The following TM4SF19 variants were observed in gnomAD, a reference collection of about 807,000 sequenced individuals.
TM4SF19 encodes the protein transmembrane 4 L six family member 19.
Under a neutral mutation model 21.8 loss-of-function variants are expected in TM4SF19, and 17 were observed. The observed-to-expected ratio is 0.78, with a 90% confidence interval of 0.53 to 1.17. The LOEUF (loss-of-function observed/expected upper bound fraction) is 1.17. TM4SF19 is among the 50% of genes most tolerant of loss of function. TM4SF19 has a pLI of 0.00. For missense variants in TM4SF19, 216 were observed against 252.1 expected, an observed-to-expected ratio of 0.86 and a Z score of 0.97; for synonymous variants, 107 against 106.7, an observed-to-expected ratio of 1.00 and a Z score of -0.02.
At chr3:196,336,851 C>T (rs986044863) in intron 1 of TM4SF19, among the ~76,000 whole-genome samples, 2 of 152,086 alleles carry the variant, frequency 1.3e-5, no homozygotes, top group Admixed American at 6.6e-5. Context: ...AGGAAGAGAC[C>T]GCACATTCTC....
At chr3:196,335,589 TCCTGGGGC>T (rs1727723853) in intron 1 of TM4SF19, among the ~76,000 whole-genome samples, 1 of 148,646 alleles carries the variant, frequency 6.7e-6, no homozygotes, top group Admixed American at 6.7e-5. Flanking sequence ...GGCCCAAGGG[TCCTGGGGC>T]AGGGTGGGGT....
chr3:196,327,633 G>C (rs1356209108), intron 1 of TM4SF19, 42 bp from the exon 2 acceptor site: 3 of 1,552,120 alleles, frequency 1.9e-6, no homozygotes, highest in South Asian at 2.2e-5. Flanking sequence ...TCTGCTGTGG[G>C]GGGATGGGGA....
chr3:196,324,381 GAC>G lies in TM4SF19; in HGVS notation c.337_338del (p.Val113HisfsTer15). On this transcript the variant is annotated frameshift_variant, in exon 4 of 5. Coordinates refer to ENST00000273695, the MANE Select transcript of TM4SF19 (RefSeq NM_138461.4). LOFTEE classifies it high-confidence loss of function. ...LALLGALICFVTSGVALKDGP... is the reference protein window; with the variant it reads ...LALLGALICFXTSGVALKDGP... Reference sequence around the variant, plus strand: ...CATCTTTCAGAGCAACTCCAGAAGTGACAAAGCAAATCAGGGCTCCAAGTAAA... The same window carrying G: ...CATCTTTCAGAGCAACTCCAGAAGTGAAAGCAAATCAGGGCTCCAAGTAAA... 6.2e-7 allele frequency: 1 copy of G among 1,614,150 alleles called. No homozygotes were observed. Among genetic ancestry groups the G allele is most frequent in the East Asian group, 2.2e-5 (1 of 44,880 alleles).
At chr3:196,333,160 T>C (rs1362207742) in intron 1 of TM4SF19, among the ~76,000 whole-genome samples, 1 of 152,230 alleles carries the variant, frequency 6.6e-6, no homozygotes, top group Non-Finnish European at 1.5e-5. Context: ...AATTTACTTT[T>C]GACTTTGTGA....
At chr3:196,337,051 CTTTTTTTTTTTTT>C (rs35897935) in intron 1 of TM4SF19, among the ~76,000 whole-genome samples, 29 of 67,838 alleles carry the variant, frequency 4.3e-4, no homozygotes, top group Admixed American at 3.9e-3. Flanking sequence ...AAAAGCAATT[CTTTTTTTTTTTTT>C]TTTTTTTTTT....
intron 1 of TM4SF19, among the ~76,000 whole-genome samples, chr3:196,332,637 C>G (rs938056101): frequency 6.6e-6 from 1 of 151,636 alleles, no homozygotes; most frequent in South Asian, 2.1e-4. Context: ...ACACAATAGT[C>G]CCCCATATCT....
chr3:196,330,734 T>C (rs533435731), intron 1 of TM4SF19, among the ~76,000 whole-genome samples: 81 of 152,248 alleles, frequency 5.3e-4, no homozygotes, highest in Middle Eastern at 3.4e-3. Context: ...CATGGGAAGC[T>C]TTCTGAAGGG....
At chr3:196,333,646 C>T (rs1727611215) in intron 1 of TM4SF19, among the ~76,000 whole-genome samples, 1 of 152,116 alleles carries the variant, frequency 6.6e-6, no homozygotes, top group Non-Finnish European at 1.5e-5. Flanking sequence ...GTAGGTACCG[C>T]GCTCACTACC....
At chr3:196,327,722 G>C in intron 1 of TM4SF19, 131 bp from the exon 2 acceptor site, 1 of 696,082 alleles carries the variant, frequency 1.4e-6, no homozygotes, top group Non-Finnish European at 2.4e-6. Flanking sequence ...ACCAATGAGA[G>C]CCAAGCAACC....
intron 1 of TM4SF19, among the ~76,000 whole-genome samples, chr3:196,336,635 G>C (rs1727772831): frequency 6.6e-6 from 1 of 152,218 alleles, no homozygotes; most frequent in Non-Finnish European, 1.5e-5. Context: ...ATAACATTTG[G>C]AGAAACCCTT....
chr3:196,323,814 C>G lies in TM4SF19; in HGVS notation c.*3G>C. The G allele has an allele frequency of 6.2e-7, 1 of 1,614,164 alleles. No homozygotes were observed. Among genetic ancestry groups the G allele is most frequent in the Middle Eastern group, 1.6e-4 (1 of 6,062 alleles). On this transcript the variant is annotated 3_prime_UTR_variant, in exon 5 of 5. Transcript: ENST00000273695. ...CCATGCTTGCAAGTGAAGGTTCTGC[C>G]TGTCACTTCTCGCAGAGGCTGCAGA...
At chr3:196,327,956 G>C (rs558223565) in intron 1 of TM4SF19, among the ~76,000 whole-genome samples, 1 of 152,298 alleles carries the variant, frequency 6.6e-6, no homozygotes. Flanking sequence ...GTCCTGGCCA[G>C]TGCAATACGA....
chr3:196,334,047 CG>C (rs1560205843), intron 1 of TM4SF19, among the ~76,000 whole-genome samples: 1 of 150,904 alleles, frequency 6.6e-6, no homozygotes, highest in Non-Finnish European at 1.5e-5. Flanking sequence ...GACCACAGAT[CG>C]AGACTCCGTC....
intron 3 of TM4SF19, 31 bp downstream of exon 3, chr3:196,326,924 G>A: frequency 6.3e-7 from 1 of 1,576,694 alleles, no homozygotes; most frequent in Non-Finnish European, 8.7e-7. Flanking sequence ...GAGACATTCT[G>A]GGTGTTAGAA....
At chr3:196,328,025 G>A (rs1456036859) in intron 1 of TM4SF19, among the ~76,000 whole-genome samples, 2 of 152,244 alleles carry the variant, frequency 1.3e-5, no homozygotes, top group Admixed American at 1.3e-4. Flanking sequence ...TTGTCGGCCA[G>A]GCATGGTGGC....
intron 1 of TM4SF19, among the ~76,000 whole-genome samples, chr3:196,336,273 G>T (rs1727758820): frequency 6.6e-6 from 1 of 151,912 alleles, no homozygotes; most frequent in Non-Finnish European, 1.5e-5. Flanking sequence ...TGAGTAGCTG[G>T]GATTACAGGT....
At position 196,324,324 on chromosome 3, in the gene TM4SF19, G is replaced by A. The variant is rs956815103; in HGVS notation, c.396C>T (p.Phe132=). The A allele has an allele frequency of 3.1e-6, 5 of 1,614,020 alleles. No homozygotes were observed. The highest frequency in any genetic ancestry group is 4.5e-5 in the East Asian group (2 of 44,896). ...GPFCMFDVSS[F]NQTQAWKYGY... ...CATATTTCCAAGCTTGTGTCTGATT[G>A]AAGGATGAAACATCAAACATGCAAA... is the stretch of plus-strand genomic sequence containing the variant. Residue 132 remains phenylalanine (F), a synonymous_variant, in exon 4 of 5, where the codon TTC becomes TTT. Transcript: ENST00000273695.
intron 1 of TM4SF19, among the ~76,000 whole-genome samples, chr3:196,336,923 A>C (rs563788660): frequency 6.6e-6 from 1 of 152,186 alleles, no homozygotes; most frequent in East Asian, 1.9e-4. Flanking sequence ...CTTCAGTCGG[A>C]TATTTATTAA....
chr3:196,324,202 C>CT (rs1727190322), intron 4 of TM4SF19, 69 bp downstream of exon 4: 1 of 1,564,664 alleles, frequency 6.4e-7, no homozygotes, highest in South Asian at 1.1e-5. Flanking sequence ...TGTAGTTCGT[C>CT]TGTGTGTCTT....
Sources: gnomAD v4.1 joint callset for allele counts (sites outside exome capture counted in the v4.1 genomes callset) on GRCh38, gnomAD v4.1.1 for gene constraint, MANE v1.5 for transcripts, NCBI Gene and HGNC (gene_info 2026-07-23, HGNC 2026-07-21) for gene names.